The following OLFM2 variants were observed in gnomAD, a reference collection of about 807,000 sequenced individuals.
The protein encoded by OLFM2 is olfactomedin 2.
In OLFM2, 20 loss-of-function variants were observed where a neutral mutation model predicts 43.9. That is an observed-to-expected ratio of 0.46 (90% CI 0.32 to 0.66). OLFM2 has a LOEUF of 0.66. Ranked by LOEUF, OLFM2 falls within the 30% of genes least tolerant of loss-of-function variation. The pLI is 0.04. For synonymous variants in OLFM2, 268 were observed against 278.6 expected, an observed-to-expected ratio of 0.96 and a Z score of 0.38; for missense variants, 416 against 643.6, an observed-to-expected ratio of 0.65 and a Z score of 3.83.
rs1253208715 is a variant in OLFM2, at chr19:9,857,976, C to A, written c.214-115G>T. On this transcript the variant is annotated intron_variant, in intron 2 of 5. Coordinates refer to ENST00000264833, the MANE Select transcript of OLFM2 (RefSeq NM_058164.4). The surrounding 1 kb of genome is among the most constrained non-coding windows in gnomAD (Gnocchi z 5.7). ...CTGTACAAACACCACACCGACGAGGCCACCTTCTCCTCCCCTGAGCTTACC... is the reference window on the plus strand; with the variant it reads ...CTGTACAAACACCACACCGACGAGGACACCTTCTCCTCCCCTGAGCTTACC... 15 of 1,290,942 alleles carry A rather than the reference C, an allele frequency of 1.2e-5. No homozygotes were observed. In the South Asian group the frequency reaches 1.4e-4, roughly 12 times the overall value. The allele number at this position is 1,290,942 out of a possible 1,614,324, so 80.0% of individuals were successfully genotyped here.
At chr19:9,904,156 G>T (rs1470531926) in intron 1 of OLFM2, among the ~76,000 whole-genome samples, 2 of 46,658 alleles carry the variant, frequency 4.3e-5, no homozygotes, top group Middle Eastern at 0.013. Flanking sequence ...TATTGTTTGT[G>T]TGTGTGTGTG....
chr19:9,914,743 CCGGCGGCGGCAGCCG>C, intron 1 of OLFM2, among the ~76,000 whole-genome samples: 1 of 152,218 alleles, frequency 6.6e-6, no homozygotes, highest in East Asian at 1.9e-4. Flanking sequence ...CACGCATCAG[CCGGCGGCGGCAGCCG>C]CTGGGCCGCG....
At position 9,875,778 on chromosome 19, in the gene OLFM2, G is replaced by T. The variant is rs113989156; in HGVS notation, c.64-14984C>A. Among the ~76,000 whole-genome samples, 152 of 152,042 alleles carry T rather than the reference G, an allele frequency of 1.0e-3. 1 individual carries two copies. The highest frequency in any genetic ancestry group is 1.8e-3 in the Non-Finnish European group (124 of 67,976). On this transcript the variant is annotated intron_variant, in intron 1 of 5. Coordinates refer to ENST00000264833, the MANE Select transcript of OLFM2 (RefSeq NM_058164.4). ...CACCTCGGCCTCCCCAAGGTGCTGG[G>T]ATTACAGGTATGAGCCACTGCACCT...
chr19:9,858,556 A>G (rs1232568597), intron 2 of OLFM2, among the ~76,000 whole-genome samples: 1 of 152,190 alleles, frequency 6.6e-6, no homozygotes, highest in African/African-American at 2.4e-5. Flanking sequence ...TAGCTTGTCC[A>G]CAGCTTAACC....
At chr19:9,930,937 C>T (rs2086478407) in intron 1 of OLFM2, among the ~76,000 whole-genome samples, 1 of 152,078 alleles carries the variant, frequency 6.6e-6, no homozygotes, top group African/African-American at 2.4e-5. Context: ...CTGACCTGGG[C>T]ACCCCCATCC....
In OLFM2 at chr19:9,854,302, T is replaced by A. The variant is rs1472323502; in HGVS notation, c.1249A>T (p.Ile417Phe). ...DVPFHNQYSH[I>F]SMLDYNPRER... The stretch of plus-strand genomic sequence containing the variant: ...CGGGGGTTGTAATCCAGCATCGAGA[T>A]GTGGGAATACTGGTTGTGGAAGGGC... Residue 417 changes from isoleucine to phenylalanine, a missense_variant, in exon 6 of 6, where the codon ATC (isoleucine) becomes TTC (phenylalanine). By Grantham distance (21) the Ile-to-Phe change is conservative. Coordinates refer to ENST00000264833, the MANE Select transcript of OLFM2 (RefSeq NM_058164.4). The surrounding 1 kb of genome is among the most constrained non-coding windows in gnomAD (Gnocchi z 9.5). 1 of 1,613,928 alleles carries A rather than the reference T, an allele frequency of 6.2e-7. No homozygotes were observed. Among genetic ancestry groups the A allele is most frequent in the South Asian group, 1.1e-5 (1 of 91,066 alleles).
chr19:9,890,385 A>G (rs1401248990), intron 1 of OLFM2, among the ~76,000 whole-genome samples: 2 of 152,120 alleles, frequency 1.3e-5, no homozygotes, highest in South Asian at 4.1e-4. Context: ...GGGGGCGGGC[A>G]CTGTGGCCTC....
intron 1 of OLFM2, among the ~76,000 whole-genome samples, chr19:9,894,412 T>TAATAATAATAAAAAA (rs34379733): frequency 1.8e-4 from 11 of 62,226 alleles, no homozygotes; most frequent in African/African-American, 4.6e-4. Flanking sequence ...ATAATAATAA[T>TAATAATAATAAAAAA]AAATAAATAA....
chr19:9,904,648 A>T (rs1432994483), intron 1 of OLFM2, among the ~76,000 whole-genome samples: 1 of 152,014 alleles, frequency 6.6e-6, no homozygotes, highest in African/African-American at 2.4e-5. Context: ...GACTAGAGAG[A>T]TGAGGAAAAC....
At chr19:9,868,905 C>T (rs1053197970) in intron 1 of OLFM2, among the ~76,000 whole-genome samples, 1 of 151,248 alleles carries the variant, frequency 6.6e-6, no homozygotes, top group Non-Finnish European at 1.5e-5. Context: ...CACTACACTC[C>T]AGCCTGCGTG....
At chr19:9,923,962 T>G (rs978240933) in intron 1 of OLFM2, among the ~76,000 whole-genome samples, 1 of 151,342 alleles carries the variant, frequency 6.6e-6, no homozygotes, top group African/African-American at 2.4e-5. Flanking sequence ...TAGCCGGGCT[T>G]GGTGGTGTGT....
At chr19:9,916,828 C>T (rs571289129) in intron 1 of OLFM2, among the ~76,000 whole-genome samples, 2 of 152,294 alleles carry the variant, frequency 1.3e-5, no homozygotes, top group South Asian at 2.1e-4. Context: ...CAGGTCCACA[C>T]CCTCATGCCA....
In OLFM2 at chr19:9,857,341, C is replaced by T. The variant is rs1417234228; in HGVS notation, c.502G>A (p.Gly168Ser). 4.3e-6 allele frequency: 7 copies of T among 1,614,032 alleles called. No homozygotes were observed. Among genetic ancestry groups the T allele is most frequent in the Non-Finnish European group, 5.9e-6 (7 of 1,180,034 alleles). The stretch of plus-strand genomic sequence containing the variant: ...TGCAGGTCCTCATACCCGTAGGCAC[C>T]CATCTCCTCCTGAATGGCCGCCAGA... The part of the protein sequence containing the change: ...GSLAAIQEEM[G>S]AYGYEDLQQR... Residue 168 changes from glycine to serine, a missense_variant, in exon 4 of 6, where the codon GGT becomes AGT. By Grantham distance (56) the Gly-to-Ser change is moderately conservative. Transcript: ENST00000264833. The surrounding 1 kb of genome is among the most constrained non-coding windows in gnomAD (Gnocchi z 5.7).
chr19:9,907,849 C>A (rs1392213962), intron 1 of OLFM2, among the ~76,000 whole-genome samples: 1 of 151,632 alleles, frequency 6.6e-6, no homozygotes, highest in Non-Finnish European at 1.5e-5. Context: ...ACTGAAAATA[C>A]AAAAAATTAG....
At chr19:9,934,844 C>T (rs2086506077) in intron 1 of OLFM2, among the ~76,000 whole-genome samples, 1 of 152,190 alleles carries the variant, frequency 6.6e-6, no homozygotes, top group African/African-American at 2.4e-5. Flanking sequence ...TGGAGTCTAA[C>T]CTCCATTCCT....
chr19:9,864,787 CTTTTTTT>C (rs34810133), intron 1 of OLFM2, among the ~76,000 whole-genome samples: 1 of 97,600 alleles, frequency 1.0e-5, no homozygotes, highest in African/African-American at 4.1e-5. Flanking sequence ...ACACACCCAG[CTTTTTTT>C]TTTTTTTTTT....
intron 1 of OLFM2, among the ~76,000 whole-genome samples, chr19:9,926,614 C>A (rs1568388699): frequency 6.6e-6 from 1 of 151,828 alleles, no homozygotes; most frequent in African/African-American, 2.4e-5. Flanking sequence ...GTGTATTTTA[C>A]CACAATTAAA....
intron 1 of OLFM2, among the ~76,000 whole-genome samples, chr19:9,922,481 G>A (rs2145004067): frequency 1.3e-5 from 2 of 152,074 alleles, no homozygotes; most frequent in South Asian, 4.2e-4. Flanking sequence ...AGCACTTTAG[G>A]AAGCTAAGGT....
chr19:9,896,950 G>A (rs2046690490), intron 1 of OLFM2, among the ~76,000 whole-genome samples: 1 of 152,172 alleles, frequency 6.6e-6, no homozygotes, highest in Non-Finnish European at 1.5e-5. Flanking sequence ...CTAGCAGTTT[G>A]AAAGGCTGAG....
Sources: gnomAD v4.1 joint callset for allele counts (sites outside exome capture counted in the v4.1 genomes callset) on GRCh38, gnomAD v4.1.1 for gene constraint, Gnocchi (gnomAD v3.1) non-coding constraint, MANE v1.5 for transcripts, NCBI Gene and HGNC (gene_info 2026-07-23, HGNC 2026-07-21) for gene names.